ZNF211: variants seen among roughly 807,000 people sequenced by gnomAD.
The protein encoded by ZNF211 is zinc finger protein C2H2-25.
A neutral mutation model predicts 12.1 loss-of-function variants in ZNF211; 18 were observed. The ratio of observed to expected loss-of-function variants is 1.48; its 90% confidence interval spans 1.03 to 2.20. The LOEUF (loss-of-function observed/expected upper bound fraction) is 2.20, where lower values mean the gene tolerates loss of function less well. Ranked by LOEUF, ZNF211 falls within the 30% of genes most tolerant of loss-of-function variation. The probability of loss-of-function intolerance (pLI) is 0.00; values close to 1 mark genes in which losing one functional copy is unlikely to be tolerated. For missense variants in ZNF211, 677 were observed against 703.1 expected (o/e 0.96, Z 0.42); for synonymous variants, 249 against 246.0 (o/e 1.01, Z -0.11).
chr19:57,640,587 T>G (rs1317204259), intron 3 of ZNF211, 117 bp from the exon 4 acceptor site: 2 of 1,346,500 alleles, frequency 1.5e-6, no homozygotes, highest in Admixed American at 5.3e-5. Flanking sequence ...CCAACTCACT[T>G]TTCCTAAAAA....
chr19:57,636,155 A>T (rs1982106438), intron 3 of ZNF211, among the ~76,000 whole-genome samples: 1 of 152,088 alleles, frequency 6.6e-6, no homozygotes, highest in African/African-American at 2.4e-5. Flanking sequence ...CCCTTATCAG[A>T]TATGTGATTT....
At chr19:57,634,795 T>C in intron 3 of ZNF211, 40 bp downstream of exon 3, 3 of 1,480,540 alleles carry the variant, frequency 2.0e-6, no homozygotes, top group Admixed American at 2.3e-5. Context: ...TGGACTAGGC[T>C]CTCTGTTTCT....
rs1284523933 is a variant in ZNF211, at chr19:57,642,203, T to C, written c.*22T>C. On this transcript the variant is annotated 3_prime_UTR_variant, in exon 4 of 4. Coordinates refer to ENST00000240731, the MANE Select transcript of ZNF211 (RefSeq NM_006385.5). ...TTAGCTGTACTGAGAATATGCAATT[T>C]CCTTTTAGTGTAATTATACTGAAGG... 3 of 1,565,518 alleles carry C rather than the reference T, an allele frequency of 1.9e-6. No individual in the cohort carries two copies. In the East Asian group the frequency reaches 6.8e-5, roughly 35 times the overall value.
chr19:57,637,838 G>A (rs868542874), intron 3 of ZNF211, among the ~76,000 whole-genome samples: 32 of 151,838 alleles, frequency 2.1e-4, no homozygotes, highest in Non-Finnish European at 3.4e-4. Flanking sequence ...TTAGTTAAAT[G>A]GTTGGTAGAA....
chr19:57,634,858 C>T (rs1040807042), intron 3 of ZNF211, 103 bp downstream of exon 3: 4 of 1,343,184 alleles, frequency 3.0e-6, no homozygotes, highest in African/African-American at 3.0e-5. Flanking sequence ...GGCACTGCCT[C>T]CTTCCCCAGT....
Position 57,640,839 on chromosome 19 carries a change from T to C in ZNF211, c.392T>C (p.Val131Ala), listed in dbSNP as rs749061333. The change falls in exon 4 of 4, where the codon GTC becomes GCC. Residue 131 changes from valine (V) to alanine (A), a missense_variant. By Grantham distance (64) the Val-to-Ala change is moderately conservative (BLOSUM62 0). Coordinates refer to ENST00000240731, the MANE Select transcript of ZNF211 (RefSeq NM_006385.5). ...GACTCCTGTGAAATATGTTGCCTGGTCTTGAGAGATATTTTGCACTTGGCT... is the reference window on the plus strand; with the variant it reads ...GACTCCTGTGAAATATGTTGCCTGGCCTTGAGAGATATTTTGCACTTGGCT... ...NADSCEICCL[V>A]LRDILHLAEH... 1.9e-6 allele frequency: 3 copies of C among 1,614,218 alleles called. No homozygotes were observed. Among genetic ancestry groups the C allele is most frequent in the South Asian group, 2.2e-5 (2 of 91,086 alleles).
Position 57,640,690 on chromosome 19 carries a change from C to A in ZNF211, c.257-14C>A. On this transcript the variant is annotated splice_polypyrimidine_tract_variant and intron_variant, in intron 3 of 3. Coordinates refer to ENST00000240731, the MANE Select transcript of ZNF211 (RefSeq NM_006385.5). ...AAGGTAACATGTACTTCACCATGAT[C>A]TCTTTACTTTTAGGTTGTTGGTGTG... 1 of 1,610,286 alleles carries A rather than the reference C, an allele frequency of 6.2e-7. No individual in the cohort carries two copies. The highest frequency in any genetic ancestry group is 1.1e-5 in the South Asian group (1 of 90,846).
chr19:57,641,472 A>G lies in ZNF211; in HGVS notation c.1025A>G (p.Asn342Ser), dbSNP rs778086370. ...TCGTTTAGTCAGATATACAGCCTCA[A>G]TAGCCATAGGAAAGTTCACACTGGA... ...GKSFSQIYSL[N>S]SHRKVHTGER... The change falls in exon 4 of 4, where the codon AAT becomes AGT. Residue 342 changes from asparagine to serine, a missense_variant. Coordinates refer to ENST00000240731, the MANE Select transcript of ZNF211 (RefSeq NM_006385.5). 11 of 1,610,754 alleles carry G rather than the reference A, an allele frequency of 6.8e-6. No individual in the cohort carries two copies. The highest frequency in any genetic ancestry group is 3.3e-4 in the Middle Eastern group (2 of 6,052).
rs184061199 is a variant in ZNF211 at position 57,643,904 on chromosome 19, G to A, written c.*1723G>A. ...ATAATTATTTTGAGATTCTTCAATG[G>A]AGCTTATATGTGGTGGTCATTCTTT... On this transcript the variant is annotated 3_prime_UTR_variant, in exon 4 of 4. Transcript: ENST00000240731. Among the ~76,000 whole-genome samples the A allele has an allele frequency of 1.9e-3, 282 of 152,042 alleles. 2 individuals are homozygous for A. Among genetic ancestry groups the A allele is most frequent in the Non-Finnish European group, 1.9e-3 (126 of 67,984 alleles).
intron 2 of ZNF211, 130 bp downstream of exon 2, chr19:57,634,191 C>A: frequency 9.5e-7 from 1 of 1,056,712 alleles, no homozygotes; most frequent in South Asian, 2.0e-5. Context: ...TTTGGGAACC[C>A]TGGAGAATCC....
At position 57,633,216 on chromosome 19, in the gene ZNF211, C is replaced by T. The variant is rs979672673; in HGVS notation, c.-131C>T. 1.1e-6 allele frequency: 1 copy of T among 926,782 alleles called. No homozygotes were observed. The highest frequency in any genetic ancestry group is 1.5e-6 in the Non-Finnish European group (1 of 657,240). 57.4% of individuals were successfully genotyped at this position (926,782 alleles called of 1,614,324 possible). ...GCAGCGGTCATTTTGGCTGCCCTCC[C>T]GGAGGTCCGTTCTGTCTGTCAGCCG... On this transcript the variant is annotated 5_prime_UTR_variant, in exon 1 of 4. Coordinates refer to ENST00000240731, the MANE Select transcript of ZNF211 (RefSeq NM_006385.5).
chr19:57,641,093 C>G lies in ZNF211; in HGVS notation c.646C>G (p.Gln216Glu). ...CCTGGCCAACATGAGGTTTCTCCAT[C>G]AAGACGCCACTCAAACAGGGGAGAA... ...DFLANMRFLHQDATQTGEKPN... is the reference protein window; with the variant it reads ...DFLANMRFLHEDATQTGEKPN... Residue 216 changes from glutamine (Q) to glutamate (E), a missense_variant, in exon 4 of 4, where the codon CAA becomes GAA. Transcript: ENST00000240731. 1 of 1,614,166 alleles carries G rather than the reference C, an allele frequency of 6.2e-7. No individual in the cohort carries two copies. Among genetic ancestry groups the G allele is most frequent in the Non-Finnish European group, 8.5e-7 (1 of 1,180,036 alleles).
At chr19:57,635,068 T>C (rs778041353) in intron 3 of ZNF211, 46 of 622,938 alleles carry the variant, frequency 7.4e-5, no homozygotes, top group Non-Finnish European at 8.4e-5. Context: ...TAACATTTAT[T>C]TGTGCTAGAC....
Position 57,633,223 on chromosome 19 carries a change from C to A in ZNF211, c.-124C>A. On this transcript the variant is annotated 5_prime_UTR_variant, in exon 1 of 4. Transcript: ENST00000240731. Reference sequence around the variant, plus strand: ...TCATTTTGGCTGCCCTCCCGGAGGTCCGTTCTGTCTGTCAGCCGCTTTGGT... The same window carrying A: ...TCATTTTGGCTGCCCTCCCGGAGGTACGTTCTGTCTGTCAGCCGCTTTGGT... 2 of 989,708 alleles carry A rather than the reference C, an allele frequency of 2.0e-6. No individual in the cohort carries two copies. The highest frequency in any genetic ancestry group is 2.8e-6 in the Non-Finnish European group (2 of 711,792). 61.3% of individuals were successfully genotyped at this position (989,708 alleles called of 1,614,324 possible).
Position 57,633,869 on chromosome 19 carries a change from A to G in ZNF211, c.91-154A>G, listed in dbSNP as rs1449282394. On this transcript the variant is annotated intron_variant, in intron 1 of 3. Transcript: ENST00000240731. ...TTGAATATTTTTCCAAGGCCACACA[A>G]CTGGTGAGAGGCAGCACTAAGGACC... 3 of 1,605,198 alleles carry G rather than the reference A, an allele frequency of 1.9e-6. No individual in the cohort carries two copies. In the South Asian group the frequency reaches 3.3e-5, roughly 18 times the overall value.
rs1462059418 is a variant in ZNF211 at position 57,642,926 on chromosome 19, G to C, written c.*745G>C. ...AAAATACAACTGTCTTTCCAGCTTTGGCCTAATCTGAATTTGAATTATTGC... is the reference window on the plus strand; with the variant it reads ...AAAATACAACTGTCTTTCCAGCTTTCGCCTAATCTGAATTTGAATTATTGC... On this transcript the variant is annotated 3_prime_UTR_variant, in exon 4 of 4. Transcript: ENST00000240731. The C allele has an allele frequency of 6.6e-6, 1 of 152,000 alleles. No homozygotes were observed. The highest frequency in any genetic ancestry group is 6.6e-5 in the Admixed American group (1 of 15,266). The allele number at this position is 152,000 out of a possible 1,614,324, so 9.4% of individuals were successfully genotyped here.
At chr19:57,634,101 T>C in intron 2 of ZNF211, 40 bp downstream of exon 2, 1 of 1,522,508 alleles carries the variant, frequency 6.6e-7, no homozygotes, top group Non-Finnish European at 8.8e-7. Context: ...GTCTGGAATG[T>C]CCCTCCACCC....
chr19:57,638,967 CTT>C lies in ZNF211; in HGVS notation c.257-1736_257-1735del, dbSNP rs1357241999. 7.2e-5 allele frequency among the ~76,000 whole-genome samples: 11 copies of C among 152,076 alleles called. No individual in the cohort carries two copies. In the East Asian group the frequency reaches 1.9e-3, roughly 27 times the overall value. On this transcript the variant is annotated intron_variant, in intron 3 of 3. Coordinates refer to ENST00000240731, the MANE Select transcript of ZNF211 (RefSeq NM_006385.5). ...TAGTATATAATATCCTTTTATATCT[CTT>C]GTTACCCTTTTTGATTTAAAATCTC...
rs537111962 is a variant in ZNF211, at chr19:57,633,187, C to G, written c.-160C>G. 2,056 of 654,702 alleles carry G rather than the reference C, an allele frequency of 3.1e-3. 11 individuals are homozygous for G. Among genetic ancestry groups the G allele is most frequent in the Non-Finnish European group, 4.2e-3 (1,721 of 410,412 alleles). 40.6% of individuals were successfully genotyped at this position (654,702 alleles called of 1,614,324 possible). A position where few individuals can be genotyped will look rare whatever the true frequency, so the allele number is the denominator to read the frequency against. On this transcript the variant is annotated 5_prime_UTR_variant, in exon 1 of 4. Coordinates refer to ENST00000240731, the MANE Select transcript of ZNF211 (RefSeq NM_006385.5). ...CCCCCCAGGGCGGGACTTGTGGCGT[C>G]TTCGCAGCGGTCATTTTGGCTGCCC...
Sources: gnomAD v4.1 joint callset for allele counts (sites outside exome capture counted in the v4.1 genomes callset) on GRCh38, gnomAD v4.1.1 for gene constraint, MANE v1.5 for transcripts, NCBI Gene and HGNC (gene_info 2026-07-23, HGNC 2026-07-21) for gene names.